KMT2E: variants seen among roughly 807,000 people sequenced by gnomAD.
KMT2E encodes the protein histone reader KMT2E.
Under a neutral mutation model 184.6 loss-of-function variants are expected in KMT2E, and 30 were observed. The ratio of observed to expected loss-of-function variants is 0.16; its 90% CI spans 0.12 to 0.22. The LOEUF is 0.22. Among genes scored for constraint, KMT2E ranks in the 10% least tolerant of loss-of-function variants. KMT2E has a pLI of 1.00. For missense variants in KMT2E, 2,023 were observed against 2,237.4 expected (o/e 0.90, Z 1.93); for synonymous variants, 815 against 776.5 (o/e 1.05, Z -0.82).
intron 13 of KMT2E, among the ~76,000 whole-genome samples, chr7:105,082,559 C>T (rs551683488): frequency 1.3e-5 from 2 of 152,182 alleles, no homozygotes; most frequent in East Asian, 3.9e-4. Flanking sequence ...TAAAGGTCTT[C>T]ATCCTCATCT....
intron 9 of KMT2E, 104 bp downstream of exon 9, chr7:105,076,185 A>T (rs1797519742): frequency 1.3e-6 from 1 of 797,888 alleles, no homozygotes; most frequent in Admixed American, 2.4e-5. Context: ...ATTGTGTGTC[A>T]TGTCTTTGCC....
At chr7:105,036,860 G>A (rs1014604979) in intron 1 of KMT2E, among the ~76,000 whole-genome samples, 4 of 152,160 alleles carry the variant, frequency 2.6e-5, no homozygotes, top group African/African-American at 9.7e-5. Flanking sequence ...ATCTGTTAAT[G>A]TAATTGTAAG....
chr7:105,019,721 G>T (rs571740466), intron 1 of KMT2E, among the ~76,000 whole-genome samples: 25 of 152,274 alleles, frequency 1.6e-4, no homozygotes, highest in Non-Finnish European at 3.2e-4. Flanking sequence ...TTGGACAGAG[G>T]TAATTTCTTA....
At chr7:105,105,100 G>A (rs111991491) in intron 17 of KMT2E, 25 of 175,064 alleles carry the variant, frequency 1.4e-4, no homozygotes, top group Non-Finnish European at 1.8e-4. Flanking sequence ...CCCAGGGGGC[G>A]GAGGCTTCAG....
chr7:105,038,978 T>C (rs1158954401), intron 2 of KMT2E, among the ~76,000 whole-genome samples: 2 of 152,228 alleles, frequency 1.3e-5, no homozygotes, highest in Admixed American at 6.5e-5. Context: ...GATGTGATGA[T>C]GTATCTTTGT....
intron 3 of KMT2E, among the ~76,000 whole-genome samples, chr7:105,051,064 TTTCTTTCTTTCTTC>T (rs1240282381): frequency 6.7e-6 from 1 of 150,066 alleles, no homozygotes; most frequent in Non-Finnish European, 1.5e-5. Context: ...TTTCCTTTTC[TTTCTTTCTTTCTTC>T]TTCTTTCTTT....
chr7:105,073,200 G>A (rs1475239857), intron 6 of KMT2E, among the ~76,000 whole-genome samples: 1 of 151,724 alleles, frequency 6.6e-6, no homozygotes, highest in African/African-American at 2.4e-5. Context: ...CTTGATCCAG[G>A]AGTTCAAGAC....
chr7:105,109,023 G>C lies in KMT2E; in HGVS notation c.3550G>C (p.Val1184Leu). The C allele has an allele frequency of 6.2e-7, 1 of 1,614,144 alleles. No individual in the cohort carries two copies. Among genetic ancestry groups the C allele is most frequent in the Non-Finnish European group, 8.5e-7 (1 of 1,180,000 alleles). Residue 1184 changes from valine (V) to leucine (L), a missense_variant, in exon 23 of 27, where the codon GTA (valine) becomes CTA (leucine). This residue lies in a region of KMT2E where 1,108 missense variants were observed against 1,050.9 expected (regional missense o/e 1.05). Transcript: ENST00000311117. The part of the protein sequence containing the change: ...SKTENFPLIS[V>L]SPHASGSLSN... Reference sequence around the variant, plus strand: ...GACAGAGAACTTTCCACTCATTAGTGTATCACCCCATGCAAGTGGAAGCTT... The same window carrying C: ...GACAGAGAACTTTCCACTCATTAGTCTATCACCCCATGCAAGTGGAAGCTT...
chr7:105,052,620 G>A lies in KMT2E; in HGVS notation c.72-9544G>A, dbSNP rs566952790. Among the ~76,000 whole-genome samples the A allele has an allele frequency of 6.4e-4, 97 of 151,990 alleles. 1 individual carries two copies. In the South Asian group the frequency reaches 0.018, roughly 28 times the overall value. On this transcript the variant is annotated intron_variant, in intron 3 of 26. Coordinates refer to ENST00000311117, the MANE Select transcript of KMT2E (RefSeq NM_182931.3). ...GTCGCCCAGGCTAGAGTGCAGTGGC[G>A]CAGTTTTGGCTCACTGCAACTTCTG...
chr7:105,042,227 G>A lies in KMT2E; in HGVS notation c.71+1204G>A, dbSNP rs142561052. Among the ~76,000 whole-genome samples, 458 of 152,290 alleles carry A rather than the reference G, an allele frequency of 3.0e-3. 15 individuals carry two copies. In the East Asian group the frequency reaches 0.062, roughly 21 times the overall value. On this transcript the variant is annotated intron_variant, in intron 3 of 26. Transcript: ENST00000311117. ...GCTGGCCTCGAACTCCTGGGCTCAA[G>A]CGATCTGCCCACCTTGGCCCCCCAA...
rs7805682 is a variant in KMT2E at position 105,063,956 on chromosome 7, C to T, written c.416+376C>T. ...TAGTCAACTGTGATTTTCCAGTTTG[C>T]GGAAATTAAACATTTTCATTGATGT... On this transcript the variant is annotated intron_variant, in intron 5 of 26. Transcript: ENST00000311117. 4,330 of 446,336 alleles carry T rather than the reference C, an allele frequency of 9.7e-3. 165 individuals carry two copies. The highest frequency in any genetic ancestry group is 0.076 in the African/African-American group (3,762 of 49,282). 27.6% of individuals were successfully genotyped at this position (446,336 alleles called of 1,614,324 possible). A position where few individuals can be genotyped will look rare whatever the true frequency, so the allele number is the denominator to read the frequency against.
At chr7:105,034,285 G>A (rs192108870) in intron 1 of KMT2E, among the ~76,000 whole-genome samples, 135 of 152,270 alleles carry the variant, frequency 8.9e-4, no homozygotes, top group African/African-American at 3.1e-3. Flanking sequence ...GCCCAGGTTG[G>A]AGAGTAGTAT....
At chr7:105,031,901 C>T (rs966185095) in intron 1 of KMT2E, among the ~76,000 whole-genome samples, 3 of 151,154 alleles carry the variant, frequency 2.0e-5, no homozygotes, top group African/African-American at 7.3e-5. Context: ...AAAACTCTGT[C>T]TCTACTGAAA....
At chr7:105,105,018 A>C (rs1191739603) in intron 17 of KMT2E, 1 of 153,896 alleles carries the variant, frequency 6.5e-6, no homozygotes, top group Admixed American at 6.5e-5. Flanking sequence ...TACTTTAAAA[A>C]TTAGCCAGGC....
chr7:105,108,671 C>A, intron 22 of KMT2E: 1 of 442,960 alleles, frequency 2.3e-6, no homozygotes, highest in Non-Finnish European at 4.3e-6. Context: ...GAGTGAGTTA[C>A]TCAATTTCCT....
intron 2 of KMT2E, among the ~76,000 whole-genome samples, chr7:105,039,586 T>C (rs1795798387): frequency 1.3e-5 from 2 of 152,214 alleles, no homozygotes; most frequent in Non-Finnish European, 1.5e-5. Flanking sequence ...ATACAGATTG[T>C]GAGTTCATAC....
chr7:105,054,458 G>GTCTA (rs71152935), intron 3 of KMT2E, among the ~76,000 whole-genome samples: 188 of 136,598 alleles, frequency 1.4e-3, no homozygotes, highest in Admixed American at 3.1e-3. Context: ...CTGTCTGTCT[G>GTCTA]TCTATCTATC....
At chr7:105,020,539 C>T (rs937472181) in intron 1 of KMT2E, among the ~76,000 whole-genome samples, 5 of 151,878 alleles carry the variant, frequency 3.3e-5, no homozygotes, top group African/African-American at 4.8e-5. Context: ...GAGCTGAGAT[C>T]GTGCCAGTGC....
In KMT2E at chr7:105,105,583, C is replaced by T. The variant is rs777167757; in HGVS notation, c.2341C>T (p.Pro781Ser). The change falls in exon 18 of 27, where the codon CCC becomes TCC. Residue 781 changes from proline to serine, a missense_variant. Pro to Ser is a moderately conservative substitution (Grantham distance 74, BLOSUM62 -1). Transcript: ENST00000311117. ...LNSLPGLTYS[P>S]HVYSTPKHYI... ...TTCTTTACCAGGTCTCACTTACAGCCCCCATGTATACTCCACTCCTAAGCA... is the reference window on the plus strand; with the variant it reads ...TTCTTTACCAGGTCTCACTTACAGCTCCCATGTATACTCCACTCCTAAGCA... 32 of 1,613,774 alleles carry T rather than the reference C, an allele frequency of 2.0e-5. 1 individual carries two copies. The East Asian group carries it at 6.9e-4, about 35-fold the overall frequency.
Sources: gnomAD v4.1 joint callset for allele counts (sites outside exome capture counted in the v4.1 genomes callset) on GRCh38, gnomAD v4.1.1 for gene constraint, gnomAD v4.1.1 regional missense constraint, MANE v1.5 for transcripts, NCBI Gene and HGNC (gene_info 2026-07-23, HGNC 2026-07-21) for gene names.